The following DLG2 variants were observed in gnomAD, a reference collection of about 807,000 sequenced individuals.
The protein encoded by DLG2 is disks large homolog 2.
In DLG2, 45 loss-of-function variants were observed where a neutral mutation model predicts 132.5. The observed-to-expected ratio is 0.34, with a 90% CI of 0.27 to 0.44. The LOEUF (loss-of-function observed/expected upper bound fraction) is 0.44. Ranked by LOEUF, DLG2 falls within the 20% of genes least tolerant of loss-of-function variation. The pLI is 1.00. For synonymous variants in DLG2, 424 were observed against 419.6 expected (o/e 1.01, Z -0.13); for missense variants, 1,045 against 1,196.9 (o/e 0.87, Z 1.87).
chr11:85,160,458 G>C (rs2077939323), intron 4 of DLG2, among the ~76,000 whole-genome samples: 1 of 152,160 alleles, frequency 6.6e-6, no homozygotes, highest in African/African-American at 2.4e-5. Context: ...CTCTCCTTTT[G>C]AGAAACAGCT....
chr11:84,501,905 C>G (rs1306293648), intron 7 of DLG2, among the ~76,000 whole-genome samples: 1 of 151,856 alleles, frequency 6.6e-6, no homozygotes, highest in African/African-American at 2.4e-5. Context: ...TATACTGATG[C>G]CCAGAAGACT....
At chr11:84,899,590 C>T (rs1462195911) in intron 6 of DLG2, among the ~76,000 whole-genome samples, 1 of 152,010 alleles carries the variant, frequency 6.6e-6, no homozygotes, top group African/African-American at 2.4e-5. Flanking sequence ...TTTGGAAGCA[C>T]CAATATTATT....
intron 4 of DLG2, among the ~76,000 whole-genome samples, chr11:85,188,890 G>T (rs1175684459): frequency 1.3e-5 from 2 of 152,014 alleles, no homozygotes; most frequent in African/African-American, 2.4e-5. Flanking sequence ...CACAAGTAAC[G>T]GGAGTCCCAA....
At chr11:85,448,347 T>C (rs1309725098) in intron 3 of DLG2, among the ~76,000 whole-genome samples, 1 of 152,108 alleles carries the variant, frequency 6.6e-6, no homozygotes, top group East Asian at 1.9e-4. Flanking sequence ...CCTTGAGCAT[T>C]CAAATAATGA....
At chr11:85,059,465 G>A (rs193140049) in intron 6 of DLG2, among the ~76,000 whole-genome samples, 2 of 151,582 alleles carry the variant, frequency 1.3e-5, no homozygotes, top group Non-Finnish European at 3.0e-5. Flanking sequence ...GTTCTTACCA[G>A]ATTTAGTCAT....
intron 10 of DLG2, among the ~76,000 whole-genome samples, chr11:84,067,914 A>C (rs977953654): frequency 6.6e-6 from 1 of 152,198 alleles, no homozygotes; most frequent in Non-Finnish European, 1.5e-5. Context: ...AATATCTATG[A>C]GGCTTTTTTT....
At chr11:83,935,633 A>C (rs1333975363) in intron 14 of DLG2, among the ~76,000 whole-genome samples, 1 of 152,326 alleles carries the variant, frequency 6.6e-6, no homozygotes, top group East Asian at 1.9e-4. Context: ...TGGGCACTCA[A>C]GAATTTCCAC....
intron 25 of DLG2, among the ~76,000 whole-genome samples, chr11:83,467,900 T>G (rs2091430869): frequency 6.8e-6 from 1 of 147,468 alleles, no homozygotes; most frequent in African/African-American, 2.5e-5. Flanking sequence ...GAGAAAGGCT[T>G]GCATGAGGTA....
intron 7 of DLG2, among the ~76,000 whole-genome samples, chr11:84,446,200 T>G (rs11234029): frequency 6.6e-6 from 1 of 151,922 alleles, no homozygotes; most frequent in Non-Finnish European, 1.5e-5. Flanking sequence ...TTTAATCAAT[T>G]GTTTATACCA....
chr11:83,548,966 G>A (rs2096310223), intron 19 of DLG2, among the ~76,000 whole-genome samples: 1 of 152,102 alleles, frequency 6.6e-6, no homozygotes, highest in African/African-American at 2.4e-5. Flanking sequence ...TTCACAGATG[G>A]ATTTATAAAT....
At chr11:84,230,112 A>G (rs1050184518) in intron 8 of DLG2, among the ~76,000 whole-genome samples, 5 of 152,176 alleles carry the variant, frequency 3.3e-5, no homozygotes, top group Non-Finnish European at 7.4e-5. Flanking sequence ...GTAATTTACA[A>G]TTTTTTTGGT....
At chr11:83,805,830 C>T (rs79934705) in intron 17 of DLG2, among the ~76,000 whole-genome samples, 2 of 152,066 alleles carry the variant, frequency 1.3e-5, no homozygotes, top group South Asian at 4.1e-4. Context: ...TATGAGGGAA[C>T]GTTAGAGTGG....
chr11:85,140,891 T>C (rs571928599), intron 5 of DLG2, among the ~76,000 whole-genome samples: 1 of 152,054 alleles, frequency 6.6e-6, no homozygotes, highest in African/African-American at 2.4e-5. Context: ...GTTCCATCCA[T>C]GTTGTTGCAA....
chr11:84,130,442 C>T, intron 9 of DLG2, among the ~76,000 whole-genome samples: 1 of 144,350 alleles, frequency 6.9e-6, no homozygotes, highest in Non-Finnish European at 1.5e-5. Context: ...GATCTGTCAG[C>T]TCTGCAACTG....
chr11:84,511,575 C>T (rs1183983219), intron 7 of DLG2, among the ~76,000 whole-genome samples: 1 of 152,086 alleles, frequency 6.6e-6, no homozygotes, highest in Non-Finnish European at 1.5e-5. Flanking sequence ...ATATTAATAA[C>T]CACTTAAGTG....
At chr11:84,947,525 T>C (rs1253555360) in intron 6 of DLG2, among the ~76,000 whole-genome samples, 1 of 152,126 alleles carries the variant, frequency 6.6e-6, no homozygotes, top group African/African-American at 2.4e-5. Flanking sequence ...GCCAACAACC[T>C]CCAATCTCAA....
chr11:83,469,390 A>G lies in DLG2; in HGVS notation c.2447-17T>C, dbSNP rs2091678378. Reference sequence around the variant, plus strand: ...TCGTAGTATCTTTATAAAACAAAAAATGATAAAATTAAGGTGCATTTATAC... The same window carrying G: ...TCGTAGTATCTTTATAAAACAAAAAGTGATAAAATTAAGGTGCATTTATAC... On this transcript the variant is annotated splice_polypyrimidine_tract_variant and intron_variant, in intron 24 of 27. Coordinates refer to ENST00000376104, the MANE Select transcript of DLG2 (RefSeq NM_001142699.3). The G allele has an allele frequency of 2.5e-6, 4 of 1,597,424 alleles. No homozygotes were observed. The highest frequency in any genetic ancestry group is 2.7e-5 in the African/African-American group (2 of 74,056).
intron 4 of DLG2, among the ~76,000 whole-genome samples, chr11:85,226,967 T>A (rs2075015079): frequency 6.6e-6 from 1 of 152,134 alleles, no homozygotes; most frequent in Admixed American, 6.6e-5. Flanking sequence ...ACATTCTTAG[T>A]TAATGTTACA....
intron 3 of DLG2, among the ~76,000 whole-genome samples, chr11:85,347,207 C>G (rs1340003070): frequency 6.6e-6 from 1 of 151,858 alleles, no homozygotes; most frequent in Non-Finnish European, 1.5e-5. Flanking sequence ...TTTTGAAAAC[C>G]GAAAGGCCTC....
Sources: allele counts gnomAD v4.1 joint callset (sites outside exome capture counted in the v4.1 genomes callset), GRCh38; gene constraint gnomAD v4.1.1; transcripts MANE v1.5; gene names NCBI Gene and HGNC (gene_info 2026-07-23, HGNC 2026-07-21).